CEP85: variants seen among roughly 807,000 people sequenced by gnomAD.
CEP85 encodes the protein centrosomal protein 85.
A neutral mutation model predicts 93.7 loss-of-function variants in CEP85; 58 were observed. The ratio of observed to expected loss-of-function variants is 0.62; its 90% confidence interval spans 0.50 to 0.77. The LOEUF is 0.77. Ranked by LOEUF, CEP85 falls within the 30% of genes least tolerant of loss-of-function variation. CEP85 has a pLI of 0.00. For synonymous variants in CEP85, 314 were observed against 338.6 expected (o/e 0.93, Z 0.80); for missense variants, 868 against 922.0 (o/e 0.94, Z 0.76).
intron 2 of CEP85, among the ~76,000 whole-genome samples, chr1:26,241,021 A>G (rs1003164482): frequency 2.6e-5 from 4 of 152,138 alleles, no homozygotes; most frequent in Admixed American, 6.6e-5. Context: ...CAAATAAGTA[A>G]TATTTTAGAA....
In CEP85 at chr1:26,245,635, T is replaced by C. The variant is rs555471160; in HGVS notation, c.208+1317T>C. Among the ~76,000 whole-genome samples, 7 of 152,324 alleles carry C rather than the reference T, an allele frequency of 4.6e-5. 1 individual carries two copies. The South Asian group carries it at 1.4e-3, about 32-fold the overall frequency. ...GAGTTCTAGAAGGCAGAGAACCTAA[T>C]TGATAATAATTAACTACTGTTGATT... On this transcript the variant is annotated intron_variant, in intron 3 of 13. Coordinates refer to ENST00000451429, the MANE Select transcript of CEP85 (RefSeq NM_001319944.2).
At chr1:26,261,524 A>T (rs2124592674) in intron 7 of CEP85, among the ~76,000 whole-genome samples, 1 of 152,270 alleles carries the variant, frequency 6.6e-6, no homozygotes, top group South Asian at 2.1e-4. Flanking sequence ...AATAATTTAT[A>T]TATCTGTTAG....
At chr1:26,269,221 G>A (rs564961067) in intron 8 of CEP85, 54 of 503,746 alleles carry the variant, frequency 1.1e-4, no homozygotes, top group African/African-American at 5.2e-4. Context: ...ATAGGGGAAC[G>A]ACATAGCAGT....
intron 8 of CEP85, 42 bp from the exon 9 acceptor site, chr1:26,269,418 C>T (rs755191591): frequency 1.3e-6 from 2 of 1,598,990 alleles, no homozygotes; most frequent in South Asian, 2.2e-5. Context: ...GCATTTATAA[C>T]ACTTGGCTTA....
chr1:26,255,147 T>C (rs750734569), intron 3 of CEP85, 24 bp from the exon 4 acceptor site: 2 of 1,590,946 alleles, frequency 1.3e-6, no homozygotes, highest in Non-Finnish European at 8.6e-7. Context: ...AATTTTTACT[T>C]ATGGAAGACT....
Position 26,265,870 on chromosome 1 carries a change from C to T in CEP85, c.1342-2613C>T, listed in dbSNP as rs182025630. 6.8e-4 allele frequency among the ~76,000 whole-genome samples: 103 copies of T among 152,032 alleles called. 1 individual carries two copies. The highest frequency in any genetic ancestry group is 2.4e-3 in the African/African-American group (98 of 41,476). ...CCAAGGCAGGAGAATTGCTTGAGCC[C>T]AGTTCAAGAACAGCCTGGGCAACAT... On this transcript the variant is annotated intron_variant, in intron 7 of 13. Transcript: ENST00000451429.
intron 7 of CEP85, among the ~76,000 whole-genome samples, chr1:26,261,285 C>T (rs946501156): frequency 6.6e-6 from 1 of 151,596 alleles, no homozygotes; most frequent in Non-Finnish European, 1.5e-5. Context: ...CCAGCCTGAC[C>T]AACATGGAGA....
chr1:26,243,221 G>T (rs1048307876), intron 2 of CEP85, among the ~76,000 whole-genome samples: 1 of 150,556 alleles, frequency 6.6e-6, no homozygotes, highest in Non-Finnish European at 1.5e-5. Context: ...CAACCTCGAA[G>T]CAATGATTTT....
At chr1:26,268,954 AAAC>A (rs1416668500) in intron 8 of CEP85, among the ~76,000 whole-genome samples, 2 of 152,172 alleles carry the variant, frequency 1.3e-5, no homozygotes, top group Non-Finnish European at 2.9e-5. Flanking sequence ...TAGTTTCAGT[AAAC>A]AACCTTTTCC....
intron 3 of CEP85, among the ~76,000 whole-genome samples, chr1:26,252,958 G>T (rs1287528952): frequency 6.6e-6 from 1 of 151,768 alleles, no homozygotes; most frequent in Non-Finnish European, 1.5e-5. Flanking sequence ...ATGTGTCGAG[G>T]TTTTTTTTAG....
At chr1:26,241,030 A>G (rs2089414713) in intron 2 of CEP85, among the ~76,000 whole-genome samples, 1 of 152,324 alleles carries the variant, frequency 6.6e-6, no homozygotes, top group South Asian at 2.1e-4. Context: ...AATATTTTAG[A>G]AAAATGACTT....
At chr1:26,273,924 A>G (rs2090014853) in intron 11 of CEP85, among the ~76,000 whole-genome samples, 1 of 143,004 alleles carries the variant, frequency 7.0e-6, no homozygotes, top group African/African-American at 2.6e-5. Context: ...AAATAAATAA[A>G]TAAATAAAAT....
intron 12 of CEP85, among the ~76,000 whole-genome samples, chr1:26,275,308 G>C (rs1389959445): frequency 6.7e-6 from 1 of 148,972 alleles, no homozygotes; most frequent in Non-Finnish European, 1.5e-5. Context: ...TTAAGACAGA[G>C]TCTTGCTCTG....
chr1:26,244,555 C>T (rs2089480510), intron 3 of CEP85, among the ~76,000 whole-genome samples: 1 of 152,144 alleles, frequency 6.6e-6, no homozygotes, highest in Non-Finnish European at 1.5e-5. Flanking sequence ...GAGACAGGGT[C>T]TCACTCTGTC....
chr1:26,241,244 A>ATTTTTTTTTTTTTTTTTTTTTTTT (rs71004567), intron 2 of CEP85, among the ~76,000 whole-genome samples: 1 of 109,286 alleles, frequency 9.2e-6, no homozygotes, highest in Non-Finnish European at 1.8e-5. Context: ...ATTCAGCAGA[A>ATTTTTTTTTTTTTTTTTTTTTTTT]TTTTTTTTTT....
chr1:26,268,703 T>C (rs920898927), intron 8 of CEP85, 68 bp downstream of exon 8: 84 of 1,414,564 alleles, frequency 5.9e-5, no homozygotes, highest in Non-Finnish European at 7.7e-5. Flanking sequence ...TTTTTCATCA[T>C]CTGCTGTATG....
chr1:26,244,187 G>C lies in CEP85; in HGVS notation c.77G>C (p.Gly26Ala). Residue 26 changes from glycine to alanine, a missense_variant, in exon 3 of 14, where the codon GGC (glycine) becomes GCC (alanine). Gly to Ala is a moderately conservative substitution (Grantham distance 60). Transcript: ENST00000451429. Reference protein sequence around the residue: ...TSPSSDVIQKGSSLGTEWQTP... With the variant: ...TSPSSDVIQKASSLGTEWQTP... ...TCAGGTTCCGATGTGATTCAGAAGGGCAGTTCCCTGGGGACTGAATGGCAG... is the reference window on the plus strand; with the variant it reads ...TCAGGTTCCGATGTGATTCAGAAGGCCAGTTCCCTGGGGACTGAATGGCAG... The C allele has an allele frequency of 6.2e-7, 1 of 1,613,408 alleles. No individual in the cohort carries two copies. Among genetic ancestry groups the C allele is most frequent in the East Asian group, 2.2e-5 (1 of 44,854 alleles).
intron 3 of CEP85, among the ~76,000 whole-genome samples, chr1:26,250,932 CTTTTT>C (rs869156420): frequency 1.7e-4 from 3 of 17,522 alleles, no homozygotes; most frequent in African/African-American, 3.9e-4. Flanking sequence ...TTTCTTTTTT[CTTTTT>C]TTTTTTTTTT....
chr1:26,263,791 G>A (rs2089850293), intron 7 of CEP85, among the ~76,000 whole-genome samples: 1 of 151,966 alleles, frequency 6.6e-6, no homozygotes, highest in Non-Finnish European at 1.5e-5. Context: ...GTTGACCTTG[G>A]AACAATACAT....
Sources: gnomAD v4.1 joint callset for allele counts (sites outside exome capture counted in the v4.1 genomes callset) on GRCh38, gnomAD v4.1.1 for gene constraint, MANE v1.5 for transcripts, NCBI Gene and HGNC (gene_info 2026-07-23, HGNC 2026-07-21) for gene names.